Variants in ZFHX3 observed in about 807,000 individuals in gnomAD.
ZFHX3 encodes the protein zinc finger homeobox protein 3.
Under a neutral mutation model 279.1 loss-of-function variants are expected in ZFHX3, and 42 were observed. That is an observed-to-expected ratio of 0.15 (90% CI 0.12 to 0.19). The LOEUF (loss-of-function observed/expected upper bound fraction) is 0.19. ZFHX3 is among the 10% of genes least tolerant of loss of function. ZFHX3 has a pLI of 1.00. For missense variants in ZFHX3, 4,981 were observed against 4,754.0 expected, an observed-to-expected ratio of 1.05 and a Z score of -1.40; for synonymous variants, 2,293 against 1,957.8, an observed-to-expected ratio of 1.17 and a Z score of -4.52.
intron 1 of ZFHX3, among the ~76,000 whole-genome samples, chr16:73,042,050 G>A (rs1438147249): frequency 2.0e-5 from 3 of 152,214 alleles, no homozygotes; most frequent in African/African-American, 7.2e-5. Context: ...CAGGAGACTG[G>A]AAGCATGGGG....
At chr16:72,995,827 A>G (rs1963262861) in intron 1 of ZFHX3, among the ~76,000 whole-genome samples, 1 of 152,220 alleles carries the variant, frequency 6.6e-6, no homozygotes, top group South Asian at 2.1e-4. Context: ...TAAGAGGGTC[A>G]AATGAGCACA....
intron 6 of ZFHX3, among the ~76,000 whole-genome samples, chr16:73,131,537 G>A (rs1966680944): frequency 5.3e-5 from 8 of 152,198 alleles, no homozygotes; most frequent in Admixed American, 5.2e-4. Context: ...GGAACACAGA[G>A]AGACAGAGAG....
At chr16:73,185,308 C>T (rs568213895) in intron 5 of ZFHX3, among the ~76,000 whole-genome samples, 34 of 152,276 alleles carry the variant, frequency 2.2e-4, no homozygotes, top group Non-Finnish European at 3.2e-4. Flanking sequence ...CCCATGTAAC[C>T]GTATGAGGTA....
At chr16:73,811,438 C>CTTTTTTTTT (rs34134056) in intron 1 of ZFHX3, among the ~76,000 whole-genome samples, 4 of 106,572 alleles carry the variant, frequency 3.8e-5, no homozygotes, top group African/African-American at 7.4e-5. Flanking sequence ...TCAGTCTCTT[C>CTTTTTTTTT]TTTTTTTTTT....
chr16:72,800,073 T>A lies in ZFHX3; in HGVS notation c.3921A>T (p.Pro1307=). ...PSSMFLPAAV[P]DRDGNSNLEE... is the part of the protein sequence containing the mutation. ...CCAAATTGGAATTCCCATCTCGATCTGGAACAGCTGCTGGGAGGAACATGC... is the reference window on the plus strand; with the variant it reads ...CCAAATTGGAATTCCCATCTCGATCAGGAACAGCTGCTGGGAGGAACATGC... The change falls in exon 8 of 10, where the codon CCA becomes CCT. Residue 1307 remains proline (P), a synonymous_variant. Coordinates refer to ENST00000268489, the MANE Select transcript of ZFHX3 (RefSeq NM_006885.4). 1 of 1,614,180 alleles carries A rather than the reference T, an allele frequency of 6.2e-7. No individual in the cohort carries two copies. Among genetic ancestry groups the A allele is most frequent in the South Asian group, 1.1e-5 (1 of 91,080 alleles).
At chr16:73,053,844 G>C (rs1965496087) in intron 1 of ZFHX3, among the ~76,000 whole-genome samples, 1 of 152,138 alleles carries the variant, frequency 6.6e-6, no homozygotes, top group Non-Finnish European at 1.5e-5. Flanking sequence ...ACTCAAATAT[G>C]AACGGAAATG....
intron 2 of ZFHX3, among the ~76,000 whole-genome samples, chr16:73,458,933 G>A (rs759288545): frequency 3.3e-5 from 5 of 152,104 alleles, no homozygotes; most frequent in Non-Finnish European, 5.9e-5. Context: ...CATTCTAAAC[G>A]ACTTACCCAA....
intron 5 of ZFHX3, among the ~76,000 whole-genome samples, chr16:72,817,852 C>T (rs2036658061): frequency 1.3e-5 from 2 of 152,142 alleles, no homozygotes; most frequent in South Asian, 2.1e-4. Context: ...CAGCCACCAC[C>T]CCCACCTCTC....
intron 5 of ZFHX3, among the ~76,000 whole-genome samples, chr16:73,222,273 A>G (rs191506383): frequency 1.6e-4 from 25 of 152,196 alleles, no homozygotes; most frequent in Non-Finnish European, 2.6e-4. Context: ...ACTTTGCCTT[A>G]TATCATAAGA....
At chr16:73,728,015 G>GCCCCCCCCCCCCCCCCCCCCCCCCC (rs3049673) in intron 1 of ZFHX3, among the ~76,000 whole-genome samples, 1 of 75,426 alleles carries the variant, frequency 1.3e-5, no homozygotes. Flanking sequence ...GCCGAATTGT[G>GCCCCCCCCCCCCCCCCCCCCCCCCC]CCCCCCCCCC....
upstream of ZFHX3, among the ~76,000 whole-genome samples, chr16:73,063,466 G>C (rs1042284493): frequency 2.0e-5 from 3 of 152,116 alleles, no homozygotes; most frequent in African/African-American, 7.2e-5. Flanking sequence ...TGCGGGGTGC[G>C]CTTCTTCTGA....
At chr16:73,351,285 C>T (rs377066647) in intron 3 of ZFHX3, among the ~76,000 whole-genome samples, 7 of 152,160 alleles carry the variant, frequency 4.6e-5, no homozygotes, top group African/African-American at 7.2e-5. Flanking sequence ...GAGAGGTCAC[C>T]GCACTGGGCC....
intron 1 of ZFHX3, among the ~76,000 whole-genome samples, chr16:73,685,020 TTA>T (rs202115930): frequency 0.36 from 14,409 of 39,938 alleles, 888 homozygotes; most frequent in Non-Finnish European, 0.45. Flanking sequence ...ATTTTATTTA[TTA>T]TTATTTTTTT....
At chr16:73,768,293 G>C (rs566929704) in intron 1 of ZFHX3, among the ~76,000 whole-genome samples, 8 of 152,258 alleles carry the variant, frequency 5.3e-5, no homozygotes, top group East Asian at 1.9e-4. Context: ...TACTCTGGTC[G>C]GCCTCTGGGC....
chr16:72,794,110 C>T lies in ZFHX3; in HGVS notation c.8572G>A (p.Ala2858Thr), dbSNP rs185694644. The change falls in exon 9 of 10, where the codon GCA (alanine) becomes ACA (threonine). Residue 2858 changes from alanine (A) to threonine (T), a missense_variant. Ala to Thr is a moderately conservative substitution (Grantham distance 58, BLOSUM62 0). This residue lies in a region of ZFHX3 where 744 missense variants were observed against 701.3 expected (regional missense o/e 1.06). Transcript: ENST00000268489. The surrounding 1 kb of genome is among the most constrained non-coding windows in gnomAD (Gnocchi z 4.2). ...GDEGNADNDSATGIATETKSS... is the reference protein window; with the variant it reads ...GDEGNADNDSTTGIATETKSS... Reference sequence around the variant, plus strand: ...TTGGTTTCAGTTGCTATTCCCGTTGCACTGTCGTTATCTGCGTTGCCCTCG... The same window carrying T: ...TTGGTTTCAGTTGCTATTCCCGTTGTACTGTCGTTATCTGCGTTGCCCTCG... 4.5e-5 allele frequency: 73 copies of T among 1,614,234 alleles called. No homozygotes were observed. Among genetic ancestry groups the T allele is most frequent in the Middle Eastern group, 1.6e-4 (1 of 6,062 alleles).
chr16:73,872,380 C>A (rs1289340519), intron 1 of ZFHX3, among the ~76,000 whole-genome samples: 1 of 151,984 alleles, frequency 6.6e-6, no homozygotes, highest in African/African-American at 2.4e-5. Context: ...TGCCTGCCAC[C>A]ATGCCCAGTT....
intron 3 of ZFHX3, among the ~76,000 whole-genome samples, chr16:73,394,258 C>T (rs970367297): frequency 1.4e-5 from 2 of 147,552 alleles, no homozygotes; most frequent in Non-Finnish European, 1.5e-5. Context: ...TTTTTTGAGA[C>T]AGTCTCTGTC....
At chr16:73,205,684 C>T (rs1467467383) in intron 5 of ZFHX3, among the ~76,000 whole-genome samples, 2 of 152,128 alleles carry the variant, frequency 1.3e-5, no homozygotes, top group African/African-American at 2.4e-5. Flanking sequence ...ACATGGTGCT[C>T]ATTTTGGCTT....
upstream of ZFHX3, among the ~76,000 whole-genome samples, chr16:73,059,985 C>G (rs907949160): frequency 2.0e-5 from 3 of 152,038 alleles, no homozygotes; most frequent in Non-Finnish European, 4.4e-5. Flanking sequence ...GGAAACAAGT[C>G]CAACTTTCTA....
Sources: allele counts gnomAD v4.1 joint callset (sites outside exome capture counted in the v4.1 genomes callset), GRCh38; gene constraint gnomAD v4.1.1; regional missense constraint gnomAD v4.1.1; non-coding constraint Gnocchi (gnomAD v3.1); transcripts MANE v1.5; gene names NCBI Gene and HGNC (gene_info 2026-07-23, HGNC 2026-07-21).